Variants in PRKCA observed in about 807,000 individuals in gnomAD.
PRKCA encodes protein kinase C alpha.
In PRKCA, 27 loss-of-function variants were observed where a neutral mutation model predicts 87.0. The ratio of observed to expected loss-of-function variants is 0.31; its 90% CI spans 0.23 to 0.43. The LOEUF (loss-of-function observed/expected upper bound fraction) is 0.43, where lower values mean the gene tolerates loss of function less well. Among genes scored for constraint, PRKCA ranks in the 20% least tolerant of loss-of-function variants. The pLI is 1.00. For synonymous variants in PRKCA, 329 were observed against 311.1 expected (o/e 1.06, Z -0.61); for missense variants, 518 against 852.3 (o/e 0.61, Z 4.88).
chr17:66,309,575 A>T (rs1904990518), intron 2 of PRKCA, among the ~76,000 whole-genome samples: 1 of 152,164 alleles, frequency 6.6e-6, no homozygotes, highest in Non-Finnish European at 1.5e-5. Flanking sequence ...TCTTCTGGGG[A>T]GGAGAAAGAT....
chr17:66,464,499 A>C (rs1914999259), intron 2 of PRKCA, among the ~76,000 whole-genome samples: 1 of 152,168 alleles, frequency 6.6e-6, no homozygotes, highest in African/African-American at 2.4e-5. Flanking sequence ...GCAATGAATG[A>C]GAGATCTCAT....
intron 16 of PRKCA, among the ~76,000 whole-genome samples, chr17:66,796,083 AG>A (rs1434507743): frequency 6.6e-6 from 1 of 152,190 alleles, no homozygotes; most frequent in Non-Finnish European, 1.5e-5. Context: ...AGGAGGTGAA[AG>A]GGGTCCCAAT....
chr17:66,713,789 G>A (rs1040302668), intron 8 of PRKCA, among the ~76,000 whole-genome samples: 3 of 152,170 alleles, frequency 2.0e-5, no homozygotes, highest in Middle Eastern at 3.4e-3. Flanking sequence ...CACTCAGTCC[G>A]AGTCTGGCCC....
chr17:66,378,417 G>A (rs556769630), intron 2 of PRKCA, among the ~76,000 whole-genome samples: 8 of 152,182 alleles, frequency 5.3e-5, no homozygotes, highest in Non-Finnish European at 7.4e-5. Context: ...CACCATTTTG[G>A]TGGTTTTTTA....
At chr17:66,801,009 A>G (rs1200610356) in intron 16 of PRKCA, among the ~76,000 whole-genome samples, 1 of 152,220 alleles carries the variant, frequency 6.6e-6, no homozygotes, top group Non-Finnish European at 1.5e-5. Context: ...CTTCCAGGCA[A>G]TAAGCATTGA....
chr17:66,594,947 A>G (rs1402070809), intron 3 of PRKCA, among the ~76,000 whole-genome samples: 1 of 152,140 alleles, frequency 6.6e-6, no homozygotes, highest in Non-Finnish European at 1.5e-5. Flanking sequence ...GTGGCTGAAA[A>G]CAATAGACAT....
intron 2 of PRKCA, among the ~76,000 whole-genome samples, chr17:66,424,598 C>CACACACACACAT (rs1051866560): frequency 2.0e-5 from 3 of 150,514 alleles, no homozygotes; most frequent in African/African-American, 4.9e-5. Context: ...CACACACACA[C>CACACACACACAT]ATCTTTGAAG....
chr17:66,468,678 G>A (rs1264800756), intron 2 of PRKCA, among the ~76,000 whole-genome samples: 1 of 152,136 alleles, frequency 6.6e-6, no homozygotes, highest in African/African-American at 2.4e-5. Flanking sequence ...GGCAGCATTA[G>A]GGCAAGAGCG....
In PRKCA at chr17:66,807,871, T is replaced by G. The variant is rs1177241658; in HGVS notation, c.*3834T>G. 2.0e-5 allele frequency: 3 copies of G among 152,278 alleles called. No homozygotes were observed. In the East Asian group the frequency reaches 5.8e-4, roughly 29 times the overall value. The allele number at this position is 152,278 out of a possible 1,614,324, so 9.4% of individuals were successfully genotyped here. ...GAAGGAGCCAGAGAAGAACAGGGTT[T>G]GGGTGCATCCAGAAATATGCCTGCA... On this transcript the variant is annotated 3_prime_UTR_variant, in exon 17 of 17. Transcript: ENST00000413366. The surrounding 1 kb of genome is among the most constrained non-coding windows in gnomAD (Gnocchi z 4.3).
rs1021981040 is a variant in PRKCA, at chr17:66,792,182, A to C, written c.1854+3203A>C. Among the ~76,000 whole-genome samples the C allele has an allele frequency of 1.1e-4, 17 of 152,084 alleles. No homozygotes were observed. Among genetic ancestry groups the C allele is most frequent in the Non-Finnish European group, 2.4e-4 (16 of 68,012 alleles). On this transcript the variant is annotated intron_variant, in intron 16 of 16. Transcript: ENST00000413366. This position sits in a 1 kb window ranked among gnomAD's most constrained non-coding sequence, Gnocchi z 4.5. Reference sequence around the variant, plus strand: ...AAGCGCTGGTGAGTCAGTTTCCCTGAGACTTGCAGGCTTAAGGACAGGTAG... The same window carrying C: ...AAGCGCTGGTGAGTCAGTTTCCCTGCGACTTGCAGGCTTAAGGACAGGTAG...
At chr17:66,777,372 G>A (rs946458524) in intron 14 of PRKCA, 46 of 985,094 alleles carry the variant, frequency 4.7e-5, no homozygotes, top group Non-Finnish European at 5.4e-5. Flanking sequence ...TTTCTCAATG[G>A]TGTTAAGGCT....
chr17:66,756,492 A>G (rs919978728), intron 13 of PRKCA, among the ~76,000 whole-genome samples: 17 of 152,130 alleles, frequency 1.1e-4, no homozygotes, highest in African/African-American at 4.1e-4. Context: ...CATGTACTAC[A>G]GTTCCTTTCA....
intron 2 of PRKCA, among the ~76,000 whole-genome samples, chr17:66,495,801 T>C (rs183425056): frequency 2.6e-4 from 39 of 152,178 alleles, no homozygotes; most frequent in Admixed American, 2.4e-3. Context: ...ACTCCTGACA[T>C]CAAGTGATCT....
intron 1 of PRKCA, 60 bp downstream of exon 1, chr17:66,303,084 G>C: frequency 1.3e-6 from 2 of 1,571,920 alleles, no homozygotes; most frequent in Non-Finnish European, 1.7e-6. Context: ...CCCGGCACCC[G>C]GCGCTCCGGC....
chr17:66,363,021 G>C lies in PRKCA; in HGVS notation c.205+56894G>C, dbSNP rs541339125. Among the ~76,000 whole-genome samples the C allele has an allele frequency of 1.1e-4, 16 of 152,244 alleles. No homozygotes were observed. The South Asian group carries it at 3.3e-3, about 32-fold the overall frequency. Reference sequence around the variant, plus strand: ...CTTGCGGGCTTTTAGGCACCTCAATGTCTAGTTTTGTCAGAATAGCATCCT... The same window carrying C: ...CTTGCGGGCTTTTAGGCACCTCAATCTCTAGTTTTGTCAGAATAGCATCCT... On this transcript the variant is annotated intron_variant, in intron 2 of 16. Coordinates refer to ENST00000413366, the MANE Select transcript of PRKCA (RefSeq NM_002737.3).
chr17:66,519,481 G>C (rs749175514), intron 3 of PRKCA, among the ~76,000 whole-genome samples: 1 of 152,110 alleles, frequency 6.6e-6, no homozygotes, highest in Non-Finnish European at 1.5e-5. Flanking sequence ...GACTCTTGCT[G>C]CCCTGGGACT....
intron 3 of PRKCA, among the ~76,000 whole-genome samples, chr17:66,596,571 C>CTTTTTTTTTTTTTTTT (rs10582567): frequency 8.8e-6 from 1 of 113,872 alleles, no homozygotes; most frequent in African/African-American, 3.7e-5. Flanking sequence ...AATATTAAAC[C>CTTTTTTTTTTTTTTTT]TTTTTTTTTT....
intron 8 of PRKCA, among the ~76,000 whole-genome samples, chr17:66,730,595 G>A (rs566979135): frequency 2.6e-5 from 4 of 152,206 alleles, no homozygotes; most frequent in Non-Finnish European, 5.9e-5. Context: ...TCTTGGTGCT[G>A]GCGGGAGTTT....
At chr17:66,473,498 T>A (rs1198279765) in intron 2 of PRKCA, among the ~76,000 whole-genome samples, 1 of 152,182 alleles carries the variant, frequency 6.6e-6, no homozygotes, top group African/African-American at 2.4e-5. Context: ...AGACCCTCAG[T>A]TACCAGAGTC....
Sources: gnomAD v4.1 joint callset for allele counts (sites outside exome capture counted in the v4.1 genomes callset) on GRCh38, gnomAD v4.1.1 for gene constraint, Gnocchi (gnomAD v3.1) non-coding constraint, MANE v1.5 for transcripts, NCBI Gene and HGNC (gene_info 2026-07-23, HGNC 2026-07-21) for gene names.